The following SCARA5 variants were observed in gnomAD, a reference collection of about 807,000 sequenced individuals.
The protein encoded by SCARA5 is scavenger receptor class A member 5, also known as scavenger receptor class A, member 5 (putative).
A neutral mutation model predicts 46.3 loss-of-function variants in SCARA5; 45 were observed. The ratio of observed to expected loss-of-function variants is 0.97; its 90% CI spans 0.76 to 1.24. The LOEUF (loss-of-function observed/expected upper bound fraction) is 1.24. SCARA5 is among the 50% of genes most tolerant of loss of function. SCARA5 has a pLI of 0.00. For missense variants in SCARA5, 680 were observed against 689.0 expected (o/e 0.99, Z 0.15); for synonymous variants, 333 against 306.5 (o/e 1.09, Z -0.90).
intron 1 of SCARA5, among the ~76,000 whole-genome samples, chr8:27,990,954 G>T (rs780858838): frequency 5.9e-5 from 9 of 152,226 alleles, no homozygotes; most frequent in Admixed American, 3.9e-4. Context: ...ACTTAGAAGG[G>T]CAGGTTCAGA....
At chr8:27,872,975 G>C (rs1050329168) in intron 8 of SCARA5, among the ~76,000 whole-genome samples, 1 of 152,144 alleles carries the variant, frequency 6.6e-6, no homozygotes, top group Non-Finnish European at 1.5e-5. Context: ...CTGCGGTGGC[G>C]GGGGATCATT....
chr8:27,889,588 C>T (rs1410733149), intron 7 of SCARA5, among the ~76,000 whole-genome samples: 1 of 152,216 alleles, frequency 6.6e-6, no homozygotes, highest in Admixed American at 6.5e-5. Flanking sequence ...CAGAAGATCC[C>T]TGAGCATGGT....
chr8:27,921,647 G>C lies in SCARA5; in HGVS notation c.840C>G (p.Leu280=). ...GGCGCAGGTCCTCGGTGACCGCGTTGAGCATGGCCAGCTCCTGCTTCAGCT... is the reference window on the plus strand; with the variant it reads ...GGCGCAGGTCCTCGGTGACCGCGTTCAGCATGGCCAGCTCCTGCTTCAGCT... ...ELQLKQELAM[L]NAVTEDLRLK... The change falls in exon 4 of 9, where the codon CTC becomes CTG. Residue 280 remains leucine (L), a synonymous_variant. Coordinates refer to ENST00000354914, the MANE Select transcript of SCARA5 (RefSeq NM_173833.6). The C allele has an allele frequency of 6.2e-7, 1 of 1,608,160 alleles. No homozygotes were observed. Among genetic ancestry groups the C allele is most frequent in the South Asian group, 1.1e-5 (1 of 90,010 alleles).
At chr8:27,985,996 A>G (rs868427812) in intron 2 of SCARA5, among the ~76,000 whole-genome samples, 33 of 152,220 alleles carry the variant, frequency 2.2e-4, no homozygotes, top group Admixed American at 2.0e-4. Flanking sequence ...TCCCAGGGAC[A>G]TCTGACCCCT....
chr8:27,947,868 A>C (rs997047634), intron 3 of SCARA5, among the ~76,000 whole-genome samples: 16 of 152,120 alleles, frequency 1.1e-4, no homozygotes, highest in Non-Finnish European at 1.9e-4. Context: ...GAGTGAAAAG[A>C]TAAAATAAAA....
intron 3 of SCARA5, 63 bp from the exon 4 acceptor site, chr8:27,922,308 G>A (rs1807611889): frequency 8.1e-7 from 1 of 1,236,148 alleles, no homozygotes; most frequent in Non-Finnish European, 1.1e-6. Flanking sequence ...GGTGACAAGA[G>A]GCGAACCCAG....
intron 3 of SCARA5, among the ~76,000 whole-genome samples, chr8:27,949,321 T>G (rs1267750738): frequency 6.6e-6 from 1 of 152,248 alleles, no homozygotes; most frequent in African/African-American, 2.4e-5. Flanking sequence ...TAACCACCAG[T>G]GCCCTTTAAA....
In SCARA5 at chr8:27,871,971, T is replaced by C. The variant is rs1221138196; in HGVS notation, c.1451A>G (p.His484Arg). ...FSKWGVTNCG[H>R]AEDASVTCNR... ...GCATGTCACGCTGGCATCTTCGGCA[T>C]GTCCACAGTTTGTCACCCCCCATTT... Residue 484 changes from histidine to arginine, a missense_variant, in exon 9 of 9, where the codon CAT (histidine) becomes CGT (arginine). Transcript: ENST00000354914. 1 of 1,614,260 alleles carries C rather than the reference T, an allele frequency of 6.2e-7. No individual in the cohort carries two copies. The highest frequency in any genetic ancestry group is 8.5e-7 in the Non-Finnish European group (1 of 1,180,042).
At chr8:27,982,694 G>T (rs991994044) in intron 2 of SCARA5, among the ~76,000 whole-genome samples, 1 of 152,258 alleles carries the variant, frequency 6.6e-6, no homozygotes, top group South Asian at 2.1e-4. Flanking sequence ...TGCAGAGAAG[G>T]GAGGCTCTAA....
At chr8:27,984,445 A>G (rs1470208703) in intron 2 of SCARA5, among the ~76,000 whole-genome samples, 1 of 152,188 alleles carries the variant, frequency 6.6e-6, no homozygotes, top group Non-Finnish European at 1.5e-5. Flanking sequence ...CCACATTTAG[A>G]CTTCGAGGAC....
intron 2 of SCARA5, among the ~76,000 whole-genome samples, chr8:27,983,978 A>G (rs1808662121): frequency 6.6e-6 from 1 of 152,040 alleles, no homozygotes; most frequent in Non-Finnish European, 1.5e-5. Context: ...AGGGACTTGG[A>G]GCTTGTCCTG....
rs146180700 is a variant in SCARA5 at position 27,935,970 on chromosome 8, C to T, written c.242-13725G>A. ...TTTTTCCTTTTTAAAGAACCACATG[C>T]CCTGGTTCCTAGCTCAGCAGGAAAC... is the stretch of plus-strand genomic sequence containing the variant. On this transcript the variant is annotated intron_variant, in intron 3 of 8. Transcript: ENST00000354914. Among the ~76,000 whole-genome samples, 239 of 152,252 alleles carry T rather than the reference C, an allele frequency of 1.6e-3. 1 individual carries two copies. The highest frequency in any genetic ancestry group is 3.1e-3 in the Non-Finnish European group (211 of 68,026).
At chr8:27,899,194 T>C (rs1807111788) in intron 7 of SCARA5, among the ~76,000 whole-genome samples, 1 of 152,248 alleles carries the variant, frequency 6.6e-6, no homozygotes, top group Non-Finnish European at 1.5e-5. Flanking sequence ...CCTGTGGGAC[T>C]GAGCCCTTAC....
chr8:27,884,795 G>A lies in SCARA5; in HGVS notation c.1154-5029C>T, dbSNP rs144249531. Among the ~76,000 whole-genome samples the A allele has an allele frequency of 7.2e-3, 1,089 of 152,302 alleles. 11 individuals are homozygous for A. Among genetic ancestry groups the A allele is most frequent in the African/African-American group, 0.025 (1,031 of 41,570 alleles). ...CACAAACAGAGTCCCTGCCCTCATG[G>A]AGCTGACATTCTAGGGAGAGTCTAG... On this transcript the variant is annotated intron_variant, in intron 7 of 8. Transcript: ENST00000354914.
intron 7 of SCARA5, among the ~76,000 whole-genome samples, chr8:27,888,082 G>A (rs1479070675): frequency 6.6e-6 from 1 of 151,918 alleles, no homozygotes; most frequent in Non-Finnish European, 1.5e-5. Context: ...TTTGAGACAA[G>A]GTCTGGCTCT....
chr8:27,904,611 A>C (rs1807220308), intron 7 of SCARA5, 167 bp downstream of exon 7: 2 of 720,688 alleles, frequency 2.8e-6, no homozygotes, highest in Non-Finnish European at 5.0e-6. Flanking sequence ...GTCTATCAGC[A>C]TCTCTTGCTA....
At position 27,966,499 on chromosome 8, in the gene SCARA5, CAGCTGGGTACAGCA is replaced by C; in HGVS notation, c.142_155del (p.Cys48GlyfsTer37). 1 of 1,613,898 alleles carries C rather than the reference CAGCTGGGTACAGCA, an allele frequency of 6.2e-7. No individual in the cohort carries two copies. The highest frequency in any genetic ancestry group is 1.3e-5 in the African/African-American group (1 of 75,016). On this transcript the variant is annotated frameshift_variant, in exon 3 of 9. Transcript: ENST00000354914. LOFTEE classifies it high-confidence loss of function. ...CATGCTTCAGGGCCGACAGGGACCC[CAGCTGGGTACAGCA>C]GATGCTTGCCCGCCGTTTGTGACAT... is the stretch of plus-strand genomic sequence containing the variant.
At chr8:27,977,619 T>G (rs538319364) in intron 2 of SCARA5, among the ~76,000 whole-genome samples, 1 of 152,334 alleles carries the variant, frequency 6.6e-6, no homozygotes, top group Admixed American at 6.5e-5. Context: ...CTTCTAGAAC[T>G]TTCCCTCTCC....
chr8:27,900,747 A>G (rs1807138375), intron 7 of SCARA5, among the ~76,000 whole-genome samples: 1 of 151,962 alleles, frequency 6.6e-6, no homozygotes, highest in Non-Finnish European at 1.5e-5. Context: ...CTACTAGGGT[A>G]AAACAAATGT....
Sources: allele counts gnomAD v4.1 joint callset (sites outside exome capture counted in the v4.1 genomes callset), GRCh38; gene constraint gnomAD v4.1.1; transcripts MANE v1.5; gene names NCBI Gene and HGNC (gene_info 2026-07-23, HGNC 2026-07-21).